Variants in AGBL1 observed in about 807,000 individuals in gnomAD.
AGBL1 encodes the protein AGBL carboxypeptidase 1, also known as cytosolic carboxypeptidase 4.
AGBL1 carries 130 observed loss-of-function variants against 118.9 expected under a neutral mutation model. The ratio of observed to expected loss-of-function variants is 1.09; its 90% CI spans 0.95 to 1.26. The LOEUF is 1.26. AGBL1 is among the 50% of genes most tolerant of loss of function. The pLI is 0.00. For synonymous variants in AGBL1, 555 were observed against 478.9 expected (o/e 1.16, Z -2.08); for missense variants, 1,584 against 1,298.1 (o/e 1.22, Z -3.38).
At chr15:86,738,037 C>A (rs1334809248) in intron 22 of AGBL1, among the ~76,000 whole-genome samples, 2 of 151,618 alleles carry the variant, frequency 1.3e-5, no homozygotes, top group East Asian at 1.9e-4. Flanking sequence ...AATGAAGGAC[C>A]AAAACCATAT....
chr15:86,202,963 A>G (rs1597543511), intron 5 of AGBL1, among the ~76,000 whole-genome samples: 2 of 152,278 alleles, frequency 1.3e-5, no homozygotes, highest in East Asian at 3.9e-4. Flanking sequence ...TCATGCCTGT[A>G]ATTCTAGCTA....
At chr15:86,810,940 G>A (rs982902413) in intron 22 of AGBL1, among the ~76,000 whole-genome samples, 2 of 152,176 alleles carry the variant, frequency 1.3e-5, no homozygotes, top group Non-Finnish European at 2.9e-5. Context: ...ACACAGAGGA[G>A]GAAGTGCTTC....
intron 22 of AGBL1, among the ~76,000 whole-genome samples, chr15:86,676,329 T>C (rs1371297260): frequency 1.3e-5 from 2 of 152,150 alleles, no homozygotes; most frequent in Non-Finnish European, 2.9e-5. Context: ...ACCACACGGA[T>C]TGCGATTCTT....
intron 22 of AGBL1, among the ~76,000 whole-genome samples, chr15:86,743,546 T>C (rs2077711122): frequency 6.6e-6 from 1 of 152,088 alleles, no homozygotes; most frequent in African/African-American, 2.4e-5. Context: ...TTCACTTACA[T>C]ACACTGGGGA....
chr15:86,891,082 GT>G (rs2080045882), intron 22 of AGBL1, among the ~76,000 whole-genome samples: 1 of 151,830 alleles, frequency 6.6e-6, no homozygotes, highest in Non-Finnish European at 1.5e-5. Context: ...TTGAGCAGTA[GT>G]TGAAGAAGTC....
intron 24 of AGBL1, among the ~76,000 whole-genome samples, chr15:87,003,831 T>C (rs1193376267): frequency 6.6e-6 from 1 of 152,218 alleles, no homozygotes; most frequent in Admixed American, 6.6e-5. Context: ...ATATCCGCTT[T>C]ATCATTTTTT....
At chr15:86,482,429 A>G (rs2082663986) in intron 18 of AGBL1, among the ~76,000 whole-genome samples, 1 of 152,148 alleles carries the variant, frequency 6.6e-6, no homozygotes, top group African/African-American at 2.4e-5. Flanking sequence ...ATAAATGTCT[A>G]ATCTTTTAGA....
chr15:86,779,103 C>G (rs1256737483), intron 22 of AGBL1, among the ~76,000 whole-genome samples: 1 of 151,464 alleles, frequency 6.6e-6, no homozygotes, highest in East Asian at 1.9e-4. Context: ...TCTCCTTTTG[C>G]TCTTTGACTC....
At chr15:86,826,212 T>C (rs752453510) in intron 22 of AGBL1, among the ~76,000 whole-genome samples, 17 of 152,092 alleles carry the variant, frequency 1.1e-4, no homozygotes, top group African/African-American at 2.4e-4. Flanking sequence ...ATTAAGGAGA[T>C]AGAGATCCCT....
At chr15:86,141,979 A>G (rs1013290280) in intron 1 of AGBL1, 25 bp from the exon 2 acceptor site, 1 of 1,547,312 alleles carries the variant, frequency 6.5e-7, no homozygotes, top group Non-Finnish European at 8.7e-7. Context: ...ATTCTTAAAT[A>G]TGGCTGCCTG....
At chr15:86,316,783 T>C (rs1228631266) in intron 17 of AGBL1, 1 of 152,306 alleles carries the variant, frequency 6.6e-6, no homozygotes, top group Non-Finnish European at 1.5e-5. Flanking sequence ...AGCTCTGCTG[T>C]GTGAATCTCC....
chr15:86,277,088 G>C (rs1227257007), intron 15 of AGBL1, among the ~76,000 whole-genome samples: 1 of 152,018 alleles, frequency 6.6e-6, no homozygotes, highest in Non-Finnish European at 1.5e-5. Context: ...CCCCAGACAA[G>C]GGTTGTAACT....
intron 22 of AGBL1, among the ~76,000 whole-genome samples, chr15:86,852,942 C>T (rs568485979): frequency 7.9e-4 from 120 of 152,258 alleles, no homozygotes; most frequent in Non-Finnish European, 1.5e-3. Flanking sequence ...GCTCAGGCTT[C>T]GTTGTTTTTA....
intron 18 of AGBL1, among the ~76,000 whole-genome samples, chr15:86,432,729 A>T (rs917838927): frequency 6.6e-6 from 1 of 152,214 alleles, no homozygotes; most frequent in Non-Finnish European, 1.5e-5. Context: ...AGCCTGAAGG[A>T]GGTAGGGAGA....
At chr15:86,963,827 T>A (rs1488841670) in intron 23 of AGBL1, among the ~76,000 whole-genome samples, 1 of 151,968 alleles carries the variant, frequency 6.6e-6, no homozygotes, top group Non-Finnish European at 1.5e-5. Flanking sequence ...TGGACGAGTG[T>A]CTGATTTTTC....
At chr15:86,668,058 G>T (rs1414801580) in intron 21 of AGBL1, among the ~76,000 whole-genome samples, 1 of 152,004 alleles carries the variant, frequency 6.6e-6, no homozygotes, top group South Asian at 2.1e-4. Flanking sequence ...CAGGTGCCAG[G>T]CACTTTAAAC....
chr15:86,476,750 C>T (rs1374514742), intron 18 of AGBL1, among the ~76,000 whole-genome samples: 1 of 152,200 alleles, frequency 6.6e-6, no homozygotes, highest in African/African-American at 2.4e-5. Flanking sequence ...ATCTACGGAA[C>T]TCTCCACCCC....
intron 22 of AGBL1, among the ~76,000 whole-genome samples, chr15:86,712,655 C>T (rs1258827122): frequency 6.6e-6 from 1 of 152,172 alleles, no homozygotes; most frequent in African/African-American, 2.4e-5. Context: ...AGCTAAAATG[C>T]TGTCAGCTTG....
chr15:86,435,601 G>T (rs2081992371), intron 18 of AGBL1, among the ~76,000 whole-genome samples: 1 of 152,210 alleles, frequency 6.6e-6, no homozygotes, highest in South Asian at 2.1e-4. Context: ...TCAATGGGCT[G>T]CTTTAGAATT....
Sources: gnomAD v4.1 joint callset for allele counts (sites outside exome capture counted in the v4.1 genomes callset) on GRCh38, gnomAD v4.1.1 for gene constraint, MANE v1.5 for transcripts, NCBI Gene and HGNC (gene_info 2026-07-23, HGNC 2026-07-21) for gene names.